The following DENND6A variants were observed in gnomAD, a reference collection of about 807,000 sequenced individuals.
The protein encoded by DENND6A is DENN domain containing 6A.
Under a neutral mutation model 95.5 loss-of-function variants are expected in DENND6A, and 43 were observed. The observed-to-expected ratio is 0.45, with a 90% CI of 0.35 to 0.58. DENND6A has a LOEUF of 0.58. DENND6A is among the 20% of genes least tolerant of loss of function. The pLI is 0.00. For missense variants in DENND6A, 574 were observed against 736.0 expected, an observed-to-expected ratio of 0.78 and a Z score of 2.55; for synonymous variants, 257 against 260.4, an observed-to-expected ratio of 0.99 and a Z score of 0.13.
At chr3:57,691,067 CTGTT>C (rs1361704590) in intron 1 of DENND6A, among the ~76,000 whole-genome samples, 1 of 152,186 alleles carries the variant, frequency 6.6e-6, no homozygotes, top group African/African-American at 2.4e-5. Flanking sequence ...AATATATTTT[CTGTT>C]TATTTGGTCA....
intron 9 of DENND6A, chr3:57,654,546 AC>A (rs371630542): frequency 2.4e-6 from 2 of 827,654 alleles, no homozygotes; most frequent in African/African-American, 3.7e-5. Flanking sequence ...CTCTCATTGT[AC>A]TAGGAACAAA....
intron 14 of DENND6A, among the ~76,000 whole-genome samples, chr3:57,633,680 G>C (rs1162810550): frequency 6.6e-6 from 1 of 152,170 alleles, no homozygotes; most frequent in African/African-American, 2.4e-5. Flanking sequence ...CCTGAGGTCA[G>C]GGGCTCAGGA....
chr3:57,683,921 G>C (rs368401950), intron 1 of DENND6A, among the ~76,000 whole-genome samples: 9 of 151,948 alleles, frequency 5.9e-5, no homozygotes, highest in Admixed American at 1.3e-4. Flanking sequence ...TTGGGAGGCC[G>C]CAGCGGGTGG....
intron 3 of DENND6A, among the ~76,000 whole-genome samples, chr3:57,669,826 A>G (rs993829420): frequency 6.6e-6 from 1 of 151,922 alleles, no homozygotes; most frequent in Non-Finnish European, 1.5e-5. Context: ...GTTCATGACC[A>G]GCCTGGCCAA....
intron 1 of DENND6A, among the ~76,000 whole-genome samples, chr3:57,681,259 A>G (rs2077161214): frequency 6.6e-6 from 1 of 152,054 alleles, no homozygotes. Context: ...AGGTCAGGAG[A>G]TCGACACCAT....
chr3:57,686,760 G>A (rs946774128), intron 1 of DENND6A, among the ~76,000 whole-genome samples: 5 of 152,064 alleles, frequency 3.3e-5, no homozygotes, highest in Non-Finnish European at 5.9e-5. Context: ...CTCCACTGAC[G>A]AGCCATTACC....
chr3:57,662,254 G>A (rs993060096), intron 5 of DENND6A, among the ~76,000 whole-genome samples: 1 of 127,314 alleles, frequency 7.9e-6, no homozygotes, highest in Admixed American at 9.7e-5. Context: ...GCAATGGTGT[G>A]ATCATGGCTC....
intron 1 of DENND6A, among the ~76,000 whole-genome samples, chr3:57,691,266 T>A (rs1198542336): frequency 6.6e-6 from 1 of 152,010 alleles, no homozygotes; most frequent in Admixed American, 6.5e-5. Flanking sequence ...CTTATAAATC[T>A]CTTACTCAAA....
chr3:57,638,553 G>A (rs934524186), intron 12 of DENND6A, among the ~76,000 whole-genome samples: 1 of 152,038 alleles, frequency 6.6e-6, no homozygotes, highest in Non-Finnish European at 1.5e-5. Context: ...AGCGACTCGG[G>A]GAGCTAAGGC....
chr3:57,677,986 T>C (rs1275313796), intron 1 of DENND6A, among the ~76,000 whole-genome samples: 1 of 152,184 alleles, frequency 6.6e-6, no homozygotes, highest in Non-Finnish European at 1.5e-5. Flanking sequence ...TATCCAACCA[T>C]CTAAATGCTG....
chr3:57,646,577 T>C, intron 9 of DENND6A, 139 bp from the exon 10 acceptor site: 3 of 1,240,526 alleles, frequency 2.4e-6, no homozygotes, highest in Non-Finnish European at 3.2e-6. Flanking sequence ...CACAAATTCA[T>C]TTAGAATATG....
intron 19 of DENND6A, among the ~76,000 whole-genome samples, 179 bp from the exon 20 acceptor site, chr3:57,628,524 A>C (rs2070584902): frequency 2.6e-5 from 4 of 152,232 alleles, no homozygotes; most frequent in Admixed American, 2.6e-4. Context: ...TATTGAGCTC[A>C]ATAAAAGGCT....
At chr3:57,667,836 C>T (rs545968613) in intron 3 of DENND6A, among the ~76,000 whole-genome samples, 7 of 152,192 alleles carry the variant, frequency 4.6e-5, no homozygotes, top group East Asian at 1.9e-4. Flanking sequence ...AAGGCCAAGG[C>T]AGGTGGATCT....
intron 9 of DENND6A, chr3:57,654,726 T>A (rs1020328111): frequency 2.0e-6 from 2 of 985,040 alleles, no homozygotes; most frequent in Non-Finnish European, 1.2e-6. Flanking sequence ...GGAATAGACC[T>A]TGACCTAGTG....
intron 1 of DENND6A, among the ~76,000 whole-genome samples, chr3:57,690,677 C>CT (rs1347948127): frequency 9.7e-5 from 13 of 134,142 alleles, no homozygotes; most frequent in Non-Finnish European, 1.5e-4. Flanking sequence ...AAGTTAGACT[C>CT]TGTCTTTAAA....
chr3:57,639,003 C>A (rs969832891), intron 12 of DENND6A, among the ~76,000 whole-genome samples: 5 of 152,140 alleles, frequency 3.3e-5, no homozygotes, highest in Non-Finnish European at 5.9e-5. Flanking sequence ...GAGGCTGAGG[C>A]AGAAGGATCA....
Position 57,628,889 on chromosome 3 carries a change from G to C in DENND6A, c.1621-4C>G, listed in dbSNP as rs756096735. 6.2e-7 allele frequency: 1 copy of C among 1,609,828 alleles called. No individual in the cohort carries two copies. Among genetic ancestry groups the C allele is most frequent in the South Asian group, 1.1e-5 (1 of 90,176 alleles). On this transcript the variant is annotated splice_polypyrimidine_tract_variant and splice_region_variant and intron_variant, in intron 18 of 19. Transcript: ENST00000311128. ...TCTGGATCCAGAGAAGTAAGTCCTAGAATAAATAAAGTCCCAAATCAGTAA... is the reference window on the plus strand; with the variant it reads ...TCTGGATCCAGAGAAGTAAGTCCTACAATAAATAAAGTCCCAAATCAGTAA...
chr3:57,667,575 T>C (rs140903513), intron 3 of DENND6A, among the ~76,000 whole-genome samples: 1 of 152,308 alleles, frequency 6.6e-6, no homozygotes, highest in East Asian at 1.9e-4. Context: ...TCAGCTTATA[T>C]AGTCACTCTC....
intron 11 of DENND6A, among the ~76,000 whole-genome samples, chr3:57,643,568 C>T (rs1202420580): frequency 6.6e-6 from 1 of 152,142 alleles, no homozygotes; most frequent in East Asian, 1.9e-4. Flanking sequence ...TGGCTCACGT[C>T]TGTAATCCCA....
Sources: gnomAD v4.1 joint callset for allele counts (sites outside exome capture counted in the v4.1 genomes callset) on GRCh38, gnomAD v4.1.1 for gene constraint, MANE v1.5 for transcripts, NCBI Gene and HGNC (gene_info 2026-07-23, HGNC 2026-07-21) for gene names.